Variants in CNOT6 observed in about 807,000 individuals in gnomAD.
CNOT6 encodes carbon catabolite repression 4 protein.
A neutral mutation model predicts 61.2 loss-of-function variants in CNOT6; 12 were observed. The observed-to-expected ratio is 0.20, with a 90% confidence interval of 0.13 to 0.32. The LOEUF (loss-of-function observed/expected upper bound fraction) is 0.32. CNOT6 is among the 10% of genes least tolerant of loss of function. The pLI, the probability that CNOT6 is intolerant of heterozygous loss-of-function variation, is 1.00. For synonymous variants in CNOT6, 225 were observed against 240.6 expected, an observed-to-expected ratio of 0.94 and a Z score of 0.60; for missense variants, 405 against 663.9, an observed-to-expected ratio of 0.61 and a Z score of 4.28.
At chr5:180,571,954 TAAG>T (rs1410635036) in intron 11 of CNOT6, among the ~76,000 whole-genome samples, 12 of 119,586 alleles carry the variant, frequency 1.0e-4, no homozygotes, top group Admixed American at 2.5e-4. Flanking sequence ...ATTTTCAGGA[TAAG>T]AAGTCACATG....
chr5:180,552,759 T>C (rs1215958445), intron 3 of CNOT6, among the ~76,000 whole-genome samples: 2 of 152,184 alleles, frequency 1.3e-5, no homozygotes, highest in Non-Finnish European at 2.9e-5. Flanking sequence ...CCTTGAAGGT[T>C]CCTTTGATAT....
intron 6 of CNOT6, among the ~76,000 whole-genome samples, chr5:180,565,515 A>G (rs891374102): frequency 6.6e-6 from 1 of 152,216 alleles, no homozygotes; most frequent in African/African-American, 2.4e-5. Flanking sequence ...TAGAAGGAGT[A>G]TAGAAATGAG....
chr5:180,560,108 C>T (rs192963696), intron 4 of CNOT6, among the ~76,000 whole-genome samples: 7 of 151,866 alleles, frequency 4.6e-5, no homozygotes, highest in Admixed American at 2.0e-4. Context: ...CCACCATGCC[C>T]GGCTAATTTT....
chr5:180,496,546 A>G (rs1351881977), intron 1 of CNOT6, among the ~76,000 whole-genome samples: 2 of 152,180 alleles, frequency 1.3e-5, no homozygotes, highest in African/African-American at 4.8e-5. Context: ...ATCAAAAAAG[A>G]TGATGCAATT....
chr5:180,494,832 C>T (rs978243905), intron 1 of CNOT6, 69 bp downstream of exon 1: 2 of 151,986 alleles, frequency 1.3e-5, no homozygotes, highest in African/African-American at 2.4e-5. Flanking sequence ...GGACCGCCCC[C>T]CGTCGGCCGG....
chr5:180,505,478 G>A (rs544311694), intron 1 of CNOT6, among the ~76,000 whole-genome samples: 1 of 135,806 alleles, frequency 7.4e-6, no homozygotes, highest in African/African-American at 2.8e-5. Context: ...TCCTGGTCTC[G>A]ATCTCCTGAC....
At chr5:180,522,167 G>A (rs1254834784) in intron 1 of CNOT6, among the ~76,000 whole-genome samples, 2 of 152,042 alleles carry the variant, frequency 1.3e-5, no homozygotes, top group African/African-American at 4.8e-5. Context: ...TCTTATCACC[G>A]AGGCTGGAGT....
intron 1 of CNOT6, 83 bp from the exon 2 acceptor site, chr5:180,529,191 TC>T (rs1363547982): frequency 8.7e-5 from 65 of 748,514 alleles, no homozygotes; most frequent in Non-Finnish European, 1.4e-4. Flanking sequence ...GAGTCAGACT[TC>T]GTCTCAAAAA....
intron 4 of CNOT6, among the ~76,000 whole-genome samples, chr5:180,560,964 A>ATCAGTCAATCAG (rs34025843): frequency 1.3e-5 from 2 of 151,800 alleles, no homozygotes; most frequent in Admixed American, 1.3e-4. Flanking sequence ...CTATCTATCA[A>ATCAGTCAATCAG]TCAATCAGTC....
intron 2 of CNOT6, among the ~76,000 whole-genome samples, chr5:180,539,517 T>G (rs191468802): frequency 6.7e-6 from 1 of 148,598 alleles, no homozygotes; most frequent in African/African-American, 2.5e-5. Flanking sequence ...TTAAAATAAT[T>G]TTTTTGGGAT....
rs957218170 is a variant in CNOT6, at chr5:180,578,249, CGTT to C, written c.*4056_*4058del. On this transcript the variant is annotated 3_prime_UTR_variant, in exon 12 of 12. Coordinates refer to ENST00000261951, the MANE Select transcript of CNOT6 (RefSeq NM_001370472.1). The stretch of plus-strand genomic sequence containing the variant: ...ATGGTCCTTTTGCATTTAGGATTTT[CGTT>C]GTTGTTACCTTATACCTCATGATAT... 1.3e-5 allele frequency: 2 copies of C among 152,564 alleles called. No individual in the cohort carries two copies. The highest frequency in any genetic ancestry group is 1.5e-5 in the Non-Finnish European group (1 of 68,028). 9.5% of individuals were successfully genotyped at this position (152,564 alleles called of 1,614,324 possible).
intron 1 of CNOT6, among the ~76,000 whole-genome samples, chr5:180,517,918 TTTC>T (rs1561637394): frequency 6.6e-6 from 1 of 152,228 alleles, no homozygotes. Context: ...CACTTAAATC[TTTC>T]TTTTTAGTTA....
At chr5:180,516,311 C>G (rs1757636652) in intron 1 of CNOT6, among the ~76,000 whole-genome samples, 1 of 152,008 alleles carries the variant, frequency 6.6e-6, no homozygotes, top group Admixed American at 6.6e-5. Context: ...CTCCGAGTAG[C>G]TGGGACTACA....
intron 2 of CNOT6, among the ~76,000 whole-genome samples, chr5:180,543,525 G>A (rs1054201504): frequency 6.6e-5 from 10 of 152,138 alleles, no homozygotes; most frequent in African/African-American, 1.2e-4. Flanking sequence ...CAGTATGCTC[G>A]ATTCATGATC....
intron 1 of CNOT6, among the ~76,000 whole-genome samples, chr5:180,497,856 C>G (rs545993229): frequency 2.6e-5 from 4 of 152,028 alleles, no homozygotes; most frequent in African/African-American, 7.2e-5. Context: ...CCAGCCTGAC[C>G]AAGATGGAGA....
At position 180,577,412 on chromosome 5, in the gene CNOT6, T is replaced by C. The variant is rs1761058356; in HGVS notation, c.*3212T>C. The C allele has an allele frequency of 6.6e-6, 1 of 152,604 alleles. No individual in the cohort carries two copies. The highest frequency in any genetic ancestry group is 2.4e-5 in the African/African-American group (1 of 41,420). The allele number at this position is 152,604 out of a possible 1,614,324, so 9.5% of individuals were successfully genotyped here. On this transcript the variant is annotated 3_prime_UTR_variant, in exon 12 of 12. Coordinates refer to ENST00000261951, the MANE Select transcript of CNOT6 (RefSeq NM_001370472.1). The stretch of plus-strand genomic sequence containing the variant: ...TGGAACTAGTTTCCATACTGACTTG[T>C]AAGGTTTTGGGGTCATATATAAGGA...
At chr5:180,517,646 C>T (rs1355191999) in intron 1 of CNOT6, among the ~76,000 whole-genome samples, 2 of 151,924 alleles carry the variant, frequency 1.3e-5, no homozygotes, top group African/African-American at 2.4e-5. Context: ...CGGGTTCAAG[C>T]GATTCCCCTG....
chr5:180,547,874 C>T (rs1192860503), intron 2 of CNOT6, among the ~76,000 whole-genome samples: 2 of 151,996 alleles, frequency 1.3e-5, no homozygotes, highest in Non-Finnish European at 2.9e-5. Context: ...GCTGGGATTA[C>T]AGGCGCCCAC....
At position 180,574,243 on chromosome 5, in the gene CNOT6, G is replaced by C. The variant is rs1215226905; in HGVS notation, c.*43G>C. 1 of 1,534,938 alleles carries C rather than the reference G, an allele frequency of 6.5e-7. No individual in the cohort carries two copies. The highest frequency in any genetic ancestry group is 1.1e-5 in the South Asian group (1 of 89,232). ...ACAGCCTTGATTCACTTGTAAACTT[G>C]TGAAAATCTGAACATAGGGGAGTGA... On this transcript the variant is annotated 3_prime_UTR_variant, in exon 12 of 12. Transcript: ENST00000261951.
Sources: allele counts gnomAD v4.1 joint callset (sites outside exome capture counted in the v4.1 genomes callset), GRCh38; gene constraint gnomAD v4.1.1; transcripts MANE v1.5; gene names NCBI Gene and HGNC (gene_info 2026-07-23, HGNC 2026-07-21).